BABAM2: variants seen among roughly 807,000 people sequenced by gnomAD.
The protein encoded by BABAM2 is BRISC and BRCA1-A complex member 2.
Under a neutral mutation model 54.7 loss-of-function variants are expected in BABAM2, and 31 were observed. The observed-to-expected ratio is 0.57, with a 90% CI of 0.43 to 0.77. The LOEUF (loss-of-function observed/expected upper bound fraction) is 0.77, where lower values mean the gene tolerates loss of function less well. Among genes scored for constraint, BABAM2 ranks in the 30% least tolerant of loss-of-function variants. BABAM2 has a pLI of 0.00. For synonymous variants in BABAM2, 167 were observed against 162.9 expected, an observed-to-expected ratio of 1.03 and a Z score of -0.19; for missense variants, 364 against 455.8, an observed-to-expected ratio of 0.80 and a Z score of 1.83.
intron 10 of BABAM2, among the ~76,000 whole-genome samples, chr2:28,296,178 G>A (rs1039239377): frequency 1.3e-5 from 2 of 152,150 alleles, no homozygotes; most frequent in Non-Finnish European, 2.9e-5. Context: ...AAGATACAAA[G>A]TTAATTTTAG....
chr2:28,292,724 G>C (rs977194138), intron 10 of BABAM2, among the ~76,000 whole-genome samples: 1 of 152,206 alleles, frequency 6.6e-6, no homozygotes, highest in Non-Finnish European at 1.5e-5. Context: ...TGTTTAATCA[G>C]AGAGGAAAAT....
chr2:28,324,991 C>A (rs915151096), intron 11 of BABAM2, among the ~76,000 whole-genome samples: 1 of 152,028 alleles, frequency 6.6e-6, no homozygotes, highest in African/African-American at 2.4e-5. Flanking sequence ...CTCATGGCTT[C>A]CAGACTTTTT....
chr2:28,087,860 G>C (rs1198996701), intron 6 of BABAM2, among the ~76,000 whole-genome samples: 1 of 152,148 alleles, frequency 6.6e-6, no homozygotes, highest in Non-Finnish European at 1.5e-5. Flanking sequence ...ATGTTGGCCA[G>C]GCTGGTCTCA....
intron 7 of BABAM2, among the ~76,000 whole-genome samples, chr2:28,171,207 G>C (rs1674290376): frequency 6.6e-6 from 1 of 151,928 alleles, no homozygotes; most frequent in Admixed American, 6.6e-5. Context: ...CTTACTGATG[G>C]ATCTGAGTTT....
chr2:27,914,147 A>G (rs759715468), intron 2 of BABAM2, among the ~76,000 whole-genome samples: 1 of 152,198 alleles, frequency 6.6e-6, no homozygotes, highest in Non-Finnish European at 1.5e-5. Context: ...CATATGATCT[A>G]TGAACCCCTT....
intron 7 of BABAM2, among the ~76,000 whole-genome samples, chr2:28,195,280 T>C (rs1191452872): frequency 6.6e-6 from 1 of 152,228 alleles, no homozygotes; most frequent in Non-Finnish European, 1.5e-5. Flanking sequence ...TGTTGATCTT[T>C]CCTTTATTTT....
At chr2:27,927,352 A>T (rs528899323) in intron 2 of BABAM2, among the ~76,000 whole-genome samples, 1 of 152,198 alleles carries the variant, frequency 6.6e-6, no homozygotes, top group Admixed American at 6.5e-5. Context: ...TAAGCTGCAT[A>T]GTTAGATAAT....
At chr2:28,065,944 C>T (rs1399358421) in intron 6 of BABAM2, among the ~76,000 whole-genome samples, 1 of 148,114 alleles carries the variant, frequency 6.8e-6, no homozygotes, top group Non-Finnish European at 1.5e-5. Flanking sequence ...AGTTTGAGAC[C>T]AGCCTGGCCA....
intron 3 of BABAM2, among the ~76,000 whole-genome samples, chr2:27,978,701 A>G (rs1167563057): frequency 6.6e-6 from 1 of 152,136 alleles, no homozygotes; most frequent in East Asian, 1.9e-4. Context: ...GGTAAATTGC[A>G]TATCACTGGG....
chr2:28,251,524 G>A (rs1033959045), intron 10 of BABAM2, among the ~76,000 whole-genome samples: 2 of 152,144 alleles, frequency 1.3e-5, no homozygotes, highest in African/African-American at 2.4e-5. Flanking sequence ...CAAAGCTGTC[G>A]TAGTAGCAGC....
chr2:28,015,310 A>G (rs1674718391), intron 4 of BABAM2, among the ~76,000 whole-genome samples: 1 of 152,188 alleles, frequency 6.6e-6, no homozygotes, highest in Admixed American at 6.5e-5. Flanking sequence ...GGAAAAATTA[A>G]AATACATTTA....
In BABAM2 at chr2:28,039,507, G is replaced by T. The variant is rs116821479; in HGVS notation, c.496-6218G>T. Reference sequence around the variant, plus strand: ...TTTGAAGAATCAGCCTTACCAGTTTGTCACCCAGCTAAAGTTATAATCACT... The same window carrying T: ...TTTGAAGAATCAGCCTTACCAGTTTTTCACCCAGCTAAAGTTATAATCACT... On this transcript the variant is annotated intron_variant, in intron 5 of 11. Transcript: ENST00000379624. Among the ~76,000 whole-genome samples, 494 of 152,336 alleles carry T rather than the reference G, an allele frequency of 3.2e-3. 1 individual carries two copies. The highest frequency in any genetic ancestry group is 0.011 in the African/African-American group (475 of 41,584).
intron 10 of BABAM2, among the ~76,000 whole-genome samples, chr2:28,255,232 T>C (rs1466183872): frequency 6.6e-6 from 1 of 151,978 alleles, no homozygotes; most frequent in Non-Finnish European, 1.5e-5. Context: ...CTTTAGAAAA[T>C]AGGAGAAAAA....
chr2:28,319,221 A>G (rs1282692851), intron 11 of BABAM2, among the ~76,000 whole-genome samples: 3 of 152,230 alleles, frequency 2.0e-5, no homozygotes, highest in African/African-American at 7.2e-5. Context: ...AACACACAGA[A>G]CTGAATGGAC....
intron 6 of BABAM2, among the ~76,000 whole-genome samples, chr2:28,119,155 A>G (rs1948921): frequency 1 from 151,799 of 152,342 alleles, 75,632 homozygotes; most frequent in Middle Eastern, 1. Context: ...GTCACGTAGC[A>G]TGATGCCTCC....
intron 3 of BABAM2, among the ~76,000 whole-genome samples, chr2:27,974,875 G>C (rs749112989): frequency 3.3e-5 from 5 of 152,004 alleles, no homozygotes; most frequent in Non-Finnish European, 7.4e-5. Flanking sequence ...TAGAACTTAC[G>C]AGTTTTTTAA....
intron 3 of BABAM2, among the ~76,000 whole-genome samples, chr2:27,958,521 C>T (rs1165639383): frequency 1.3e-5 from 2 of 148,796 alleles, no homozygotes; most frequent in Non-Finnish European, 3.0e-5. Context: ...TATACATATA[C>T]ATATATGCAT....
chr2:28,217,815 T>G (rs1275006020), intron 7 of BABAM2, among the ~76,000 whole-genome samples: 1 of 152,204 alleles, frequency 6.6e-6, no homozygotes, highest in Non-Finnish European at 1.5e-5. Context: ...TTATCACATA[T>G]TAACAGCATT....
intron 2 of BABAM2, among the ~76,000 whole-genome samples, chr2:27,923,600 A>C (rs571937554): frequency 6.6e-6 from 1 of 152,340 alleles, no homozygotes; most frequent in East Asian, 1.9e-4. Context: ...CCTGGGCTCT[A>C]GAGCAAGACA....
Sources: allele counts gnomAD v4.1 joint callset (sites outside exome capture counted in the v4.1 genomes callset), GRCh38; gene constraint gnomAD v4.1.1; transcripts MANE v1.5; gene names NCBI Gene and HGNC (gene_info 2026-07-23, HGNC 2026-07-21).